PREX2: variants seen among roughly 807,000 people sequenced by gnomAD.
PREX2 encodes the protein phosphatidylinositol-3,4,5-trisphosphate dependent Rac exchange factor 2.
In PREX2, 107 loss-of-function variants were observed where a neutral mutation model predicts 203.2. That is an observed-to-expected ratio of 0.53 (90% CI 0.45 to 0.62). The LOEUF (loss-of-function observed/expected upper bound fraction) is 0.62, where lower values mean the gene tolerates loss of function less well. Ranked by LOEUF, PREX2 falls within the 20% of genes least tolerant of loss-of-function variation. The probability of loss-of-function intolerance (pLI) is 0.00; values close to 1 mark genes in which losing one functional copy is unlikely to be tolerated. For missense variants in PREX2, 1,777 were observed against 1,955.9 expected (o/e 0.91, Z 1.72); for synonymous variants, 672 against 663.6 (o/e 1.01, Z -0.19).
chr8:68,141,355 C>A (rs1057254952), intron 33 of PREX2, among the ~76,000 whole-genome samples: 3 of 152,120 alleles, frequency 2.0e-5, no homozygotes, highest in Admixed American at 6.6e-5. Flanking sequence ...ATGGGCCAGG[C>A]ATTGTGCCTG....
intron 19 of PREX2, among the ~76,000 whole-genome samples, chr8:68,090,141 G>C (rs1809825246): frequency 6.6e-6 from 1 of 152,054 alleles, no homozygotes; most frequent in Non-Finnish European, 1.5e-5. Flanking sequence ...TCTTTTTTAT[G>C]TGCATGTTAA....
chr8:68,041,606 T>A (rs992941205), intron 7 of PREX2, among the ~76,000 whole-genome samples: 1 of 152,116 alleles, frequency 6.6e-6, no homozygotes, highest in Non-Finnish European at 1.5e-5. Context: ...TGAAAATGAA[T>A]CTTTTATTAT....
intron 11 of PREX2, among the ~76,000 whole-genome samples, chr8:68,065,475 A>T (rs955528216): frequency 2.7e-4 from 41 of 152,086 alleles, no homozygotes; most frequent in African/African-American, 9.9e-4. Context: ...ATCTTTTTTT[A>T]AAAAGAACAA....
intron 6 of PREX2, among the ~76,000 whole-genome samples, chr8:68,030,911 AT>A (rs1251588105): frequency 6.6e-6 from 1 of 152,170 alleles, no homozygotes; most frequent in East Asian, 1.9e-4. Context: ...ATAAGCTTTA[AT>A]ATTTTAGCAT....
intron 1 of PREX2, among the ~76,000 whole-genome samples, chr8:68,012,134 A>T (rs930170753): frequency 1.3e-5 from 2 of 152,192 alleles, no homozygotes; most frequent in African/African-American, 4.8e-5. Flanking sequence ...ATGCTGACAA[A>T]TGATGAATTC....
intron 35 of PREX2, among the ~76,000 whole-genome samples, chr8:68,165,876 A>G (rs1311508794): frequency 1.3e-5 from 2 of 152,186 alleles, no homozygotes; most frequent in African/African-American, 4.8e-5. Flanking sequence ...AGTGTTATAT[A>G]TAAATTCAGC....
chr8:68,010,714 C>T (rs536810208), intron 1 of PREX2, among the ~76,000 whole-genome samples: 1 of 152,276 alleles, frequency 6.6e-6, no homozygotes, highest in African/African-American at 2.4e-5. Context: ...AGCTGAACTC[C>T]ACCCTGAGGA....
intron 35 of PREX2, among the ~76,000 whole-genome samples, chr8:68,186,147 A>G (rs1156600740): frequency 6.6e-6 from 1 of 152,202 alleles, no homozygotes; most frequent in African/African-American, 2.4e-5. Context: ...ATTTTTTCTG[A>G]TGAGAAATAC....
At chr8:68,033,778 C>G (rs1340326972) in intron 6 of PREX2, among the ~76,000 whole-genome samples, 3 of 152,118 alleles carry the variant, frequency 2.0e-5, no homozygotes, top group Non-Finnish European at 4.4e-5. Flanking sequence ...CCTCCAGTTT[C>G]TTTTTGGGGA....
chr8:67,983,282 C>T (rs2129609263), intron 1 of PREX2, among the ~76,000 whole-genome samples: 1 of 152,356 alleles, frequency 6.6e-6, no homozygotes, highest in Middle Eastern at 3.4e-3. Flanking sequence ...CTTGGCCCTG[C>T]CCCACAAGGC....
chr8:67,987,696 T>G (rs1324461134), intron 1 of PREX2, among the ~76,000 whole-genome samples: 1 of 152,212 alleles, frequency 6.6e-6, no homozygotes, highest in Non-Finnish European at 1.5e-5. Flanking sequence ...CCTTTTCCCC[T>G]GCAACCTCGC....
rs1807450669 is a variant in PREX2 at position 68,017,887 on chromosome 8, T to C, written c.183T>C (p.Val61=). ...TGAACCAGTGTGCAGCATCAAAAGT[T>C]GACAAAAATGTGACAGAAGAAACAG... ...HRMNQCAASK[V]DKNVTEETVK... The change falls in exon 2 of 40, where the codon GTT becomes GTC. Residue 61 remains valine (V), a synonymous_variant. Coordinates refer to ENST00000288368, the MANE Select transcript of PREX2 (RefSeq NM_024870.4). 1.9e-6 allele frequency: 3 copies of C among 1,612,818 alleles called. No individual in the cohort carries two copies. The highest frequency in any genetic ancestry group is 2.5e-6 in the Non-Finnish European group (3 of 1,179,278).
At position 68,233,899 on chromosome 8, in the gene PREX2, G is replaced by C. The variant is rs1813216418; in HGVS notation, c.*2521G>C. The C allele has an allele frequency of 6.6e-6, 1 of 152,072 alleles. No homozygotes were observed. Among genetic ancestry groups the C allele is most frequent in the South Asian group, 2.1e-4 (1 of 4,820 alleles). 9.4% of individuals were successfully genotyped at this position (152,072 alleles called of 1,614,324 possible). A position where few individuals can be genotyped will look rare whatever the true frequency, so the allele number is the denominator to read the frequency against. Reference sequence around the variant, plus strand: ...TTACGATGATTTGTAAGTAAATTTGGAGTTATGCGGCATGTGTTGTCATTA... The same window carrying C: ...TTACGATGATTTGTAAGTAAATTTGCAGTTATGCGGCATGTGTTGTCATTA... On this transcript the variant is annotated 3_prime_UTR_variant, in exon 40 of 40. Coordinates refer to ENST00000288368, the MANE Select transcript of PREX2 (RefSeq NM_024870.4).
intron 37 of PREX2, among the ~76,000 whole-genome samples, chr8:68,198,030 A>T (rs992234090): frequency 6.6e-5 from 10 of 152,036 alleles, no homozygotes; most frequent in African/African-American, 2.2e-4. Context: ...GAAAAAAGCC[A>T]AACGCTTAGA....
chr8:67,989,727 T>C (rs1373915490), intron 1 of PREX2, among the ~76,000 whole-genome samples: 1 of 152,204 alleles, frequency 6.6e-6, no homozygotes, highest in African/African-American at 2.4e-5. Context: ...CTAAATTCAG[T>C]GACCTTCTGA....
chr8:68,055,669 C>G (rs1585743141), intron 9 of PREX2, among the ~76,000 whole-genome samples, 161 bp from the exon 10 acceptor site: 1 of 152,072 alleles, frequency 6.6e-6, no homozygotes, highest in Non-Finnish European at 1.5e-5. Flanking sequence ...CTCCCTAGCC[C>G]CTGAGCTTCT....
chr8:68,210,331 C>T (rs76389537), intron 37 of PREX2, among the ~76,000 whole-genome samples: 2,841 of 152,206 alleles, frequency 0.019, 33 homozygotes, highest in South Asian at 0.033. Context: ...GAGATCATCA[C>T]CCTAGATTTT....
chr8:68,119,111 C>T (rs1483983521), intron 27 of PREX2, among the ~76,000 whole-genome samples: 1 of 152,164 alleles, frequency 6.6e-6, no homozygotes, highest in Non-Finnish European at 1.5e-5. Context: ...GTGTTAAGAA[C>T]AAAGACCTTT....
chr8:68,069,248 G>A (rs888067603), intron 12 of PREX2, 112 bp downstream of exon 12: 6 of 614,432 alleles, frequency 9.8e-6, no homozygotes, highest in Middle Eastern at 2.5e-4. Flanking sequence ...AAAATTCTTC[G>A]ACTATATATA....
Sources: allele counts gnomAD v4.1 joint callset (sites outside exome capture counted in the v4.1 genomes callset), GRCh38; gene constraint gnomAD v4.1.1; transcripts MANE v1.5; gene names NCBI Gene and HGNC (gene_info 2026-07-23, HGNC 2026-07-21).